The following NRXN1 variants were observed in gnomAD, a reference collection of about 807,000 sequenced individuals.
NRXN1 encodes the protein neurexin-1.
A neutral mutation model predicts 150.9 loss-of-function variants in NRXN1; 39 were observed. That is an observed-to-expected ratio of 0.26 (90% CI 0.20 to 0.34). The LOEUF is 0.34. NRXN1 is among the 10% of genes least tolerant of loss of function. NRXN1 has a pLI of 1.00. For synonymous variants in NRXN1, 924 were observed against 757.0 expected (o/e 1.22, Z -3.62); for missense variants, 1,815 against 1,949.9 (o/e 0.93, Z 1.30).
At chr2:50,060,337 T>C (rs1370485447) in intron 19 of NRXN1, among the ~76,000 whole-genome samples, 3 of 152,084 alleles carry the variant, frequency 2.0e-5, no homozygotes, top group African/African-American at 7.2e-5. Flanking sequence ...ATTTCTCCCA[T>C]TTGGAACAGA....
chr2:50,514,189 A>C (rs968204402), intron 12 of NRXN1, among the ~76,000 whole-genome samples: 1 of 152,190 alleles, frequency 6.6e-6, no homozygotes, highest in Non-Finnish European at 1.5e-5. Flanking sequence ...ATCACCTAAC[A>C]AATTGCACAG....
At chr2:50,634,901 T>C (rs777170754) in intron 5 of NRXN1, among the ~76,000 whole-genome samples, 33 of 152,106 alleles carry the variant, frequency 2.2e-4, no homozygotes, top group Non-Finnish European at 3.8e-4. Context: ...AGTAGACTCA[T>C]GAGTGCTCCA....
At chr2:50,600,593 G>C (rs1382494633) in intron 8 of NRXN1, among the ~76,000 whole-genome samples, 2 of 152,142 alleles carry the variant, frequency 1.3e-5, no homozygotes, top group African/African-American at 4.8e-5. Flanking sequence ...CCAAAGTGCT[G>C]GGATTACAGG....
chr2:50,418,254 G>C (rs1457806324), intron 17 of NRXN1, among the ~76,000 whole-genome samples: 1 of 151,984 alleles, frequency 6.6e-6, no homozygotes, highest in Non-Finnish European at 1.5e-5. Context: ...TCTCCACTGA[G>C]TCCTGAACAG....
intron 17 of NRXN1, among the ~76,000 whole-genome samples, chr2:50,307,918 T>A (rs2074786010): frequency 6.6e-6 from 1 of 152,194 alleles, no homozygotes; most frequent in East Asian, 1.9e-4. Flanking sequence ...ATAATTTCAT[T>A]TATGGAGTTT....
chr2:50,319,281 T>C (rs1390479972), intron 17 of NRXN1, among the ~76,000 whole-genome samples: 1 of 152,126 alleles, frequency 6.6e-6, no homozygotes, highest in Admixed American at 6.6e-5. Flanking sequence ...AGTTGCATTA[T>C]GCAAAATGAA....
rs2104242382 is a variant in NRXN1, at chr2:50,620,181, C to T, written c.1161G>A (p.Val387=). Residue 387 remains valine, a splice_region_variant and synonymous_variant, in exon 8 of 23, where the codon GTG becomes GTA. Coordinates refer to ENST00000401669, the MANE Select transcript of NRXN1 (RefSeq NM_001330078.2). The stretch of plus-strand genomic sequence containing the variant: ...TAAGAATCCCATCCACTGATATTGT[C>T]ACCTAGATAACAAAGCACAGGGAAA... ...RQHSGIGHAM[V]TISVDGILTT... 4 of 1,613,082 alleles carry T rather than the reference C, an allele frequency of 2.5e-6. No homozygotes were observed. The East Asian group carries it at 8.9e-5, about 36-fold the overall frequency.
chr2:50,281,095 A>G lies in NRXN1; in HGVS notation c.3365-44125T>C, dbSNP rs1294456447. Among the ~76,000 whole-genome samples the G allele has an allele frequency of 4.6e-5, 7 of 150,652 alleles. No individual in the cohort carries two copies. The East Asian group carries it at 1.2e-3, about 25-fold the overall frequency. On this transcript the variant is annotated intron_variant, in intron 17 of 22. Coordinates refer to ENST00000401669, the MANE Select transcript of NRXN1 (RefSeq NM_001330078.2). The stretch of plus-strand genomic sequence containing the variant: ...CGAGGCGGGCAGATCACGAGGTCAG[A>G]AGATCGAGACCATCCTGGCTAACAC...
chr2:50,558,767 G>C (rs1236033464), intron 8 of NRXN1, among the ~76,000 whole-genome samples: 2 of 152,118 alleles, frequency 1.3e-5, no homozygotes, highest in Non-Finnish European at 2.9e-5. Context: ...ACTCTATTAA[G>C]ACCAAGTGAA....
At chr2:50,128,800 T>A (rs559996078) in intron 18 of NRXN1, among the ~76,000 whole-genome samples, 1 of 151,808 alleles carries the variant, frequency 6.6e-6, no homozygotes, top group Non-Finnish European at 1.5e-5. Context: ...CTGGCCAACA[T>A]GGCGAAACCA....
At chr2:50,523,229 C>A (rs905045436) in intron 12 of NRXN1, among the ~76,000 whole-genome samples, 5 of 151,904 alleles carry the variant, frequency 3.3e-5, no homozygotes, top group Non-Finnish European at 7.4e-5. Flanking sequence ...AACACAGAAA[C>A]AACAACAAAA....
intron 17 of NRXN1, among the ~76,000 whole-genome samples, chr2:50,382,895 T>C (rs1217854782): frequency 6.6e-6 from 1 of 152,152 alleles, no homozygotes; most frequent in Non-Finnish European, 1.5e-5. Context: ...TAGGAAGACT[T>C]CTTGAGCCGC....
chr2:50,073,705 G>C (rs1696634029), intron 19 of NRXN1, among the ~76,000 whole-genome samples: 1 of 152,024 alleles, frequency 6.6e-6, no homozygotes, highest in South Asian at 2.1e-4. Context: ...CATTTGTAGA[G>C]ATAGTCAACA....
At chr2:50,059,037 G>C (rs1340663354) in intron 19 of NRXN1, among the ~76,000 whole-genome samples, 1 of 152,156 alleles carries the variant, frequency 6.6e-6, no homozygotes, top group East Asian at 1.9e-4. Flanking sequence ...TGAAAATGTG[G>C]AATTGACTTT....
In NRXN1 at chr2:50,848,139, G is replaced by A. The variant is rs570806770; in HGVS notation, c.832+73730C>T. Among the ~76,000 whole-genome samples, 6 of 152,208 alleles carry A rather than the reference G, an allele frequency of 3.9e-5. No homozygotes were observed. The South Asian group carries it at 1.2e-3, about 32-fold the overall frequency. ...CAGGAGCTGTGAATATTCACCCCTAGACACTGCCATGGGGTCAGAGCCCCA... is the reference window on the plus strand; with the variant it reads ...CAGGAGCTGTGAATATTCACCCCTAAACACTGCCATGGGGTCAGAGCCCCA... On this transcript the variant is annotated intron_variant, in intron 5 of 22. Coordinates refer to ENST00000401669, the MANE Select transcript of NRXN1 (RefSeq NM_001330078.2).
intron 18 of NRXN1, among the ~76,000 whole-genome samples, chr2:50,140,796 A>G (rs910235221): frequency 3.9e-5 from 6 of 151,976 alleles, no homozygotes; most frequent in Non-Finnish European, 8.8e-5. Flanking sequence ...AAACACAGGT[A>G]TGGGAAGGCT....
At chr2:51,022,998 G>C (rs1669871137) in intron 2 of NRXN1, among the ~76,000 whole-genome samples, 1 of 152,092 alleles carries the variant, frequency 6.6e-6, no homozygotes, top group Non-Finnish European at 1.5e-5. Flanking sequence ...GCTTTTCATA[G>C]GTAGAACCAA....
At chr2:50,415,368 A>T (rs1036574683) in intron 17 of NRXN1, among the ~76,000 whole-genome samples, 1 of 152,080 alleles carries the variant, frequency 6.6e-6, no homozygotes. Context: ...TTATGGCTCA[A>T]ATATAATTTA....
chr2:49,983,836 G>C (rs142095705), intron 21 of NRXN1, among the ~76,000 whole-genome samples: 13 of 152,032 alleles, frequency 8.6e-5, no homozygotes, highest in African/African-American at 3.1e-4. Flanking sequence ...GCATTTTGTT[G>C]CATTACATAT....
Sources: gnomAD v4.1 joint callset for allele counts (sites outside exome capture counted in the v4.1 genomes callset) on GRCh38, gnomAD v4.1.1 for gene constraint, MANE v1.5 for transcripts, NCBI Gene and HGNC (gene_info 2026-07-23, HGNC 2026-07-21) for gene names.